The following NISCH variants were observed in gnomAD, a reference collection of about 807,000 sequenced individuals.
NISCH encodes nischarin, also known as I-1 receptor candidate protein.
Under a neutral mutation model 138.4 loss-of-function variants are expected in NISCH, and 55 were observed. The ratio of observed to expected loss-of-function variants is 0.40; its 90% confidence interval spans 0.32 to 0.50. The LOEUF (loss-of-function observed/expected upper bound fraction) is 0.50, where lower values mean the gene tolerates loss of function less well. NISCH is among the 20% of genes least tolerant of loss of function. The probability of loss-of-function intolerance (pLI) is 0.71; values close to 1 mark genes in which losing one functional copy is unlikely to be tolerated. For missense variants in NISCH, 1,643 were observed against 2,005.5 expected (o/e 0.82, Z 3.45); for synonymous variants, 860 against 861.5 (o/e 1.00, Z 0.03).
intron 3 of NISCH, among the ~76,000 whole-genome samples, chr3:52,464,253 C>T (rs1412264051): frequency 6.6e-6 from 1 of 151,614 alleles, no homozygotes; most frequent in Non-Finnish European, 1.5e-5. Flanking sequence ...CAGAAATTAG[C>T]CGGGCATGGT....
Position 52,471,761 on chromosome 3 carries a change from C to A in NISCH, c.410-53C>A, listed in dbSNP as rs376369320. 39 of 1,602,288 alleles carry A rather than the reference C, an allele frequency of 2.4e-5. No individual in the cohort carries two copies. The South Asian group carries it at 3.9e-4, about 16-fold the overall frequency. ...AGAAAAGGTGGAAATCCTGGCTGCACGAGGGCTGGGGCTGCGGCTGGACAC... is the reference window on the plus strand; with the variant it reads ...AGAAAAGGTGGAAATCCTGGCTGCAAGAGGGCTGGGGCTGCGGCTGGACAC... On this transcript the variant is annotated intron_variant, in intron 4 of 20. Coordinates refer to ENST00000345716, the MANE Select transcript of NISCH (RefSeq NM_007184.4).
chr3:52,485,771 C>A lies in NISCH; in HGVS notation c.1654-7C>A, dbSNP rs1294846075. ...GTGGGGACTGACTGTGTTTCTTTCT[C>A]CATCAGGCAGCTTCCGATGATTTAA... On this transcript the variant is annotated splice_region_variant and splice_polypyrimidine_tract_variant and intron_variant, in intron 14 of 20. Coordinates refer to ENST00000345716, the MANE Select transcript of NISCH (RefSeq NM_007184.4). The A allele has an allele frequency of 6.3e-7, 1 of 1,576,376 alleles. No individual in the cohort carries two copies. Among genetic ancestry groups the A allele is most frequent in the Admixed American group, 1.8e-5 (1 of 55,072 alleles).
chr3:52,471,899 G>A lies in NISCH; in HGVS notation c.495G>A (p.Lys165=), dbSNP rs1265365693. 1 of 1,613,098 alleles carries A rather than the reference G, an allele frequency of 6.2e-7. No homozygotes were observed. Among genetic ancestry groups the A allele is most frequent in the East Asian group, 2.2e-5 (1 of 44,842 alleles). ...YAVTEQLQQG[K]PTCASGDAKT... is the part of the protein sequence containing the mutation. ...TCACGGAGCAGCTGCAGCAGGGAAA[G>A]CCCACGTGCGCCAGTGGGGATGCCA... The change falls in exon 5 of 21, where the codon AAG becomes AAA. Residue 165 remains lysine, a synonymous_variant. Coordinates refer to ENST00000345716, the MANE Select transcript of NISCH (RefSeq NM_007184.4).
intron 10 of NISCH, 41 bp from the exon 11 acceptor site, chr3:52,478,408 T>TA (rs1214717532): frequency 1.9e-6 from 3 of 1,613,224 alleles, no homozygotes; most frequent in Non-Finnish European, 2.5e-6. Flanking sequence ...GCTGAAGTGT[T>TA]AAGAGAAGGG....
At chr3:52,484,481 G>A (rs772024951) in intron 13 of NISCH, 32 bp from the exon 14 acceptor site, 4 of 98,952 alleles carry the variant, frequency 4.0e-5, no homozygotes, top group Non-Finnish European at 5.9e-5. Context: ...CACCCACCCT[G>A]CCTGCCTGCC....
At chr3:52,476,898 G>T (rs1387511745) in intron 8 of NISCH, among the ~76,000 whole-genome samples, 1 of 152,186 alleles carries the variant, frequency 6.6e-6, no homozygotes, top group Non-Finnish European at 1.5e-5. Flanking sequence ...GCTGGGTGTG[G>T]TGGTGCACAC....
chr3:52,482,716 C>T (rs570478300), intron 13 of NISCH, among the ~76,000 whole-genome samples: 3 of 152,300 alleles, frequency 2.0e-5, no homozygotes, highest in Admixed American at 6.5e-5. Context: ...GGACACCTTC[C>T]GCTAGGACCA....
chr3:52,480,053 C>CTAAGGA, intron 12 of NISCH, 131 bp from the exon 13 acceptor site: 1 of 1,097,626 alleles, frequency 9.1e-7, no homozygotes, highest in Non-Finnish European at 1.4e-6. Flanking sequence ...AGTTCCTGCT[C>CTAAGGA]TAAGGATATG....
At chr3:52,489,237 A>T in intron 16 of NISCH, 99 bp from the exon 17 acceptor site, 1 of 1,397,140 alleles carries the variant, frequency 7.2e-7, no homozygotes, top group Non-Finnish European at 9.8e-7. Flanking sequence ...CCCAGAGGTG[A>T]TGTGTGATGC....
Position 52,490,098 on chromosome 3 carries a change from C to T in NISCH, c.3480C>T (p.His1160=). Residue 1160 remains histidine, a synonymous_variant, in exon 18 of 21, where the codon CAC becomes CAT. Coordinates refer to ENST00000345716, the MANE Select transcript of NISCH (RefSeq NM_007184.4). ...IAEVENEELR[H]LMWSSVVFYQ... ...AGGTTGAAAACGAGGAGCTGAGGCA[C>T]CTCATGTGGTCCTCGGTGGTGTTCT... is the stretch of plus-strand genomic sequence containing the variant. The T allele has an allele frequency of 6.2e-7, 1 of 1,613,646 alleles. No individual in the cohort carries two copies. The highest frequency in any genetic ancestry group is 8.5e-7 in the Non-Finnish European group (1 of 1,180,012).
Position 52,488,183 on chromosome 3 carries a change from C to T in NISCH, c.2691C>T (p.Pro897=), listed in dbSNP as rs371639899. 6.2e-7 allele frequency: 1 copy of T among 1,613,340 alleles called. No individual in the cohort carries two copies. The highest frequency in any genetic ancestry group is 1.7e-5 in the Admixed American group (1 of 60,010). Residue 897 remains proline (P), a synonymous_variant, in exon 16 of 21, where the codon CCC becomes CCT. Transcript: ENST00000345716. The stretch of plus-strand genomic sequence containing the variant: ...CCGTGCGGCGCTCCTGCTGCGCGCC[C>T]TCTGAGGCCGTCAAGTCCGCCGCCA... ...CSAVRRSCCA[P]SEAVKSAAIP...
chr3:52,489,794 T>C, intron 17 of NISCH, 116 bp downstream of exon 17: 2 of 1,474,674 alleles, frequency 1.4e-6, no homozygotes, highest in Non-Finnish European at 1.8e-6. Context: ...AGTCCTCAGC[T>C]GAGCTGCTCA....
chr3:52,472,832 C>T (rs1011063), intron 6 of NISCH, among the ~76,000 whole-genome samples: 123,161 of 152,284 alleles, frequency 0.81, 50,111 homozygotes, highest in East Asian at 0.97. Flanking sequence ...CACTCTGCAT[C>T]TGTCACTACT....
Position 52,491,449 on chromosome 3 carries a change from A to G in NISCH, c.3840A>G (p.Glu1280=), listed in dbSNP as rs778693526. The G allele has an allele frequency of 3.1e-5, 50 of 1,613,320 alleles. No homozygotes were observed. The highest frequency in any genetic ancestry group is 4.0e-5 in the Non-Finnish European group (47 of 1,179,984). The change falls in exon 20 of 21, where the codon GAA becomes GAG. Residue 1280 remains glutamate (E), a synonymous_variant. Coordinates refer to ENST00000345716, the MANE Select transcript of NISCH (RefSeq NM_007184.4). The part of the protein sequence containing the change: ...QHLMVVLSSL[E]RTPSPEPVDK... ...TCATGGTCGTGCTGTCCTCTCTGGAACGCACGCCCTCGCCGGAGCCTGTTG... is the reference window on the plus strand; with the variant it reads ...TCATGGTCGTGCTGTCCTCTCTGGAGCGCACGCCCTCGCCGGAGCCTGTTG...
chr3:52,491,349 C>G lies in NISCH; in HGVS notation c.3743-3C>G. The G allele has an allele frequency of 6.2e-7, 1 of 1,609,210 alleles. No homozygotes were observed. The highest frequency in any genetic ancestry group is 1.3e-5 in the African/African-American group (1 of 75,016). ...TGGCCCTGACCAGCCCCTTCTCGTGCAGGTTCCACCCCGATGCAGGTGGTC... is the reference window on the plus strand; with the variant it reads ...TGGCCCTGACCAGCCCCTTCTCGTGGAGGTTCCACCCCGATGCAGGTGGTC... On this transcript the variant is annotated splice_region_variant and splice_polypyrimidine_tract_variant and intron_variant, in intron 19 of 20. Coordinates refer to ENST00000345716, the MANE Select transcript of NISCH (RefSeq NM_007184.4).
Position 52,484,493 on chromosome 3 carries a change from AC to A in NISCH, c.1529-17del. 2.3e-6 allele frequency: 1 copy of A among 443,106 alleles called. No individual in the cohort carries two copies. Among genetic ancestry groups the A allele is most frequent in the African/African-American group, 5.3e-5 (1 of 18,978 alleles). 27.4% of individuals were successfully genotyped at this position (443,106 alleles called of 1,614,324 possible). On this transcript the variant is annotated intron_variant, in intron 13 of 20. Transcript: ENST00000345716. ...CCCCACCCACCCTGCCTGCCTGCCC[AC>A]CCGCCCTGGTCTCTCCAGGAATCAT...
chr3:52,486,770 A>G (rs1488581700), intron 15 of NISCH, among the ~76,000 whole-genome samples: 2 of 152,228 alleles, frequency 1.3e-5, no homozygotes, highest in Admixed American at 1.3e-4. Context: ...TTAAGTGTGA[A>G]GGTCCTAAGA....
intron 3 of NISCH, among the ~76,000 whole-genome samples, chr3:52,460,265 C>G (rs1489882980): frequency 6.6e-6 from 1 of 150,994 alleles, no homozygotes; most frequent in African/African-American, 2.4e-5. Flanking sequence ...GATCCCAGCT[C>G]TTTGGGAAAA....
Position 52,487,421 on chromosome 3 carries a change from GGAA to G in NISCH, c.1935_1937del (p.Glu647del), listed in dbSNP as rs764922203. On this transcript the variant is annotated inframe_deletion, in exon 16 of 21. Transcript: ENST00000345716. This position sits in a 1 kb window ranked among gnomAD's most constrained non-coding sequence, Gnocchi z 9.1. The stretch of plus-strand genomic sequence containing the variant: ...AGGGCGAGGAGGAGGATGAGGAGGA[GGAA>G]GAAGAGGAGGACGTGGCTGAGAACC... The G allele has an allele frequency of 1.7e-5, 28 of 1,611,338 alleles. No individual in the cohort carries two copies. The Admixed American group carries it at 4.2e-4, about 24-fold the overall frequency.
Sources: allele counts gnomAD v4.1 joint callset (sites outside exome capture counted in the v4.1 genomes callset), GRCh38; gene constraint gnomAD v4.1.1; non-coding constraint Gnocchi (gnomAD v3.1); transcripts MANE v1.5; gene names NCBI Gene and HGNC (gene_info 2026-07-23, HGNC 2026-07-21).